Variants in CADM2 observed in about 807,000 individuals in gnomAD.
The protein encoded by CADM2 is cell adhesion molecule 2.
In CADM2, 12 loss-of-function variants were observed where a neutral mutation model predicts 49.8. That is an observed-to-expected ratio of 0.24 (90% confidence interval 0.15 to 0.39). The LOEUF (loss-of-function observed/expected upper bound fraction) is 0.39, where lower values mean the gene tolerates loss of function less well. Ranked by LOEUF, CADM2 falls within the 10% of genes least tolerant of loss-of-function variation. The probability of loss-of-function intolerance (pLI) is 1.00; values close to 1 mark genes in which losing one functional copy is unlikely to be tolerated. For missense variants in CADM2, 378 were observed against 492.3 expected (o/e 0.77, Z 2.20); for synonymous variants, 214 against 175.4 (o/e 1.22, Z -1.74).
chr3:85,932,726 C>A (rs903097477), intron 6 of CADM2, among the ~76,000 whole-genome samples: 2 of 151,992 alleles, frequency 1.3e-5, no homozygotes, highest in African/African-American at 2.4e-5. Context: ...TACATAAATT[C>A]TGTTTTTGTG....
chr3:86,034,217 T>TAGCCTGAGTAG, intron 8 of CADM2, among the ~76,000 whole-genome samples: 2 of 151,976 alleles, frequency 1.3e-5, no homozygotes, highest in Admixed American at 1.3e-4. Flanking sequence ...TCTAATTTAG[T>TAGCCTGAGTAG]CATTTCAATG....
chr3:85,211,884 T>C (rs2041788195), intron 1 of CADM2, among the ~76,000 whole-genome samples: 2 of 152,166 alleles, frequency 1.3e-5, no homozygotes, highest in Non-Finnish European at 2.9e-5. Flanking sequence ...GGTGCTGAAG[T>C]CTCAGCTCCT....
intron 6 of CADM2, among the ~76,000 whole-genome samples, chr3:85,929,415 T>A (rs1000689559): frequency 5.3e-5 from 8 of 151,922 alleles, no homozygotes; most frequent in African/African-American, 1.9e-4. Context: ...AAATACAAAC[T>A]TTTTTTTCTA....
chr3:85,845,569 G>A (rs937481928), intron 3 of CADM2, among the ~76,000 whole-genome samples: 11 of 152,120 alleles, frequency 7.2e-5, no homozygotes, highest in Admixed American at 6.5e-5. Context: ...CCTCCGTAGG[G>A]CAACCAAAGT....
At chr3:85,636,574 G>A (rs2064495071) in intron 1 of CADM2, among the ~76,000 whole-genome samples, 1 of 152,036 alleles carries the variant, frequency 6.6e-6, no homozygotes, top group Admixed American at 6.6e-5. Flanking sequence ...TGTTGATCAA[G>A]TCTACAGTAA....
At chr3:85,073,069 G>C (rs1185770285) in intron 1 of CADM2, among the ~76,000 whole-genome samples, 2 of 152,094 alleles carry the variant, frequency 1.3e-5, no homozygotes, top group African/African-American at 2.4e-5. Flanking sequence ...CTCTAGTGTA[G>C]AGAACATTTA....
intron 1 of CADM2, among the ~76,000 whole-genome samples, chr3:85,645,294 G>A (rs534415290): frequency 1.3e-5 from 2 of 152,016 alleles, no homozygotes; most frequent in African/African-American, 4.8e-5. Context: ...TGACAAAATT[G>A]TTGCAGCAGT....
intron 1 of CADM2, among the ~76,000 whole-genome samples, chr3:84,974,171 G>C (rs1380047648): frequency 6.6e-6 from 1 of 151,782 alleles, no homozygotes; most frequent in Non-Finnish European, 1.5e-5. Flanking sequence ...TTATTGGCTA[G>C]TGATATCTCT....
At position 85,783,350 on chromosome 3, in the gene CADM2, G is replaced by A. The variant is rs187641588; in HGVS notation, c.89-18697G>A. ...ACTGATGAGCACTATTTACAGATAA[G>A]TGTATGCCTTACTTCTCACCAACAC... On this transcript the variant is annotated intron_variant, in intron 2 of 9. Coordinates refer to ENST00000383699, the MANE Select transcript of CADM2 (RefSeq NM_001167675.2). Among the ~76,000 whole-genome samples, 9 of 152,308 alleles carry A rather than the reference G, an allele frequency of 5.9e-5. No homozygotes were observed. In the East Asian group the frequency reaches 1.3e-3, roughly 23 times the overall value.
intron 1 of CADM2, among the ~76,000 whole-genome samples, chr3:85,676,555 T>G (rs531587376): frequency 6.6e-6 from 1 of 152,348 alleles, no homozygotes; most frequent in African/African-American, 2.4e-5. Context: ...AAGTTGGTAA[T>G]TAATGACATC....
chr3:85,050,094 G>A (rs2107401684), intron 1 of CADM2, among the ~76,000 whole-genome samples: 1 of 152,046 alleles, frequency 6.6e-6, no homozygotes, highest in African/African-American at 2.4e-5. Flanking sequence ...GAAACAGAGT[G>A]TATCCAAGAT....
chr3:85,519,562 G>T (rs976465858), intron 1 of CADM2, among the ~76,000 whole-genome samples: 1 of 151,910 alleles, frequency 6.6e-6, no homozygotes, highest in Non-Finnish European at 1.5e-5. Context: ...ATATCGTATG[G>T]CTTATATTTT....
At chr3:85,839,255 G>A (rs1219475023) in intron 3 of CADM2, among the ~76,000 whole-genome samples, 1 of 151,668 alleles carries the variant, frequency 6.6e-6, no homozygotes, top group Non-Finnish European at 1.5e-5. Context: ...TACTGGCAAG[G>A]TCAACCCTCA....
chr3:85,013,186 T>G (rs1438987364), intron 1 of CADM2, among the ~76,000 whole-genome samples: 1 of 150,872 alleles, frequency 6.6e-6, no homozygotes, highest in East Asian at 1.9e-4. Flanking sequence ...GGAAAACTAG[T>G]CTTTCTTTAG....
At chr3:85,668,213 T>C (rs1396345484) in intron 1 of CADM2, among the ~76,000 whole-genome samples, 1 of 139,600 alleles carries the variant, frequency 7.2e-6, no homozygotes, top group East Asian at 2.1e-4. Flanking sequence ...AATCAGAAAA[T>C]GACAAAGACT....
chr3:85,549,082 A>G lies in CADM2; in HGVS notation c.62-177440A>G, dbSNP rs2107101721. Reference sequence around the variant, plus strand: ...GAAGCCAAGTAAGCATAATCAATAAATGTACAGCCTCTAAGTGGAAAGCTG... The same window carrying G: ...GAAGCCAAGTAAGCATAATCAATAAGTGTACAGCCTCTAAGTGGAAAGCTG... On this transcript the variant is annotated intron_variant, in intron 1 of 9. Coordinates refer to ENST00000383699, the MANE Select transcript of CADM2 (RefSeq NM_001167675.2). Among the ~76,000 whole-genome samples, 3 of 152,326 alleles carry G rather than the reference A, an allele frequency of 2.0e-5. No homozygotes were observed. The South Asian group carries it at 6.2e-4, about 32-fold the overall frequency.
intron 1 of CADM2, among the ~76,000 whole-genome samples, chr3:85,429,265 A>C (rs2036559695): frequency 6.6e-6 from 1 of 152,022 alleles, no homozygotes; most frequent in Non-Finnish European, 1.5e-5. Context: ...TATCGCTTTC[A>C]TAGTATTTTA....
intron 2 of CADM2, among the ~76,000 whole-genome samples, chr3:85,783,175 C>G (rs1332934032): frequency 6.6e-6 from 1 of 151,866 alleles, no homozygotes; most frequent in Non-Finnish European, 1.5e-5. Flanking sequence ...TTGTTTTTAT[C>G]TTGAAACAAC....
At chr3:85,179,682 A>G (rs1408806494) in intron 1 of CADM2, among the ~76,000 whole-genome samples, 1 of 152,140 alleles carries the variant, frequency 6.6e-6, no homozygotes, top group Non-Finnish European at 1.5e-5. Flanking sequence ...GAGGTCTTTA[A>G]AACATGGTTT....
Sources: allele counts gnomAD v4.1 joint callset (sites outside exome capture counted in the v4.1 genomes callset), GRCh38; gene constraint gnomAD v4.1.1; transcripts MANE v1.5; gene names NCBI Gene and HGNC (gene_info 2026-07-23, HGNC 2026-07-21).